Variants in BBC3 observed in about 807,000 individuals in gnomAD.
BBC3 encodes bcl-2-binding component 3.
In BBC3, 5 loss-of-function variants were observed where a neutral mutation model predicts 18.2. That is an observed-to-expected ratio of 0.27 (90% confidence interval 0.14 to 0.58). The LOEUF (loss-of-function observed/expected upper bound fraction) is 0.58, where lower values mean the gene tolerates loss of function less well. Among genes scored for constraint, BBC3 ranks in the 20% least tolerant of loss-of-function variants. BBC3 has a pLI of 0.91. For missense variants in BBC3, 224 were observed against 268.9 expected (o/e 0.83, Z 1.17); for synonymous variants, 119 against 128.0 (o/e 0.93, Z 0.47).
rs879088509 is a variant in BBC3, at chr19:47,222,061, T to C, written c.466-143A>G. 16 of 687,616 alleles carry C rather than the reference T, an allele frequency of 2.3e-5. No individual in the cohort carries two copies. The Admixed American group carries it at 5.5e-4, about 24-fold the overall frequency. 42.6% of individuals were successfully genotyped at this position (687,616 alleles called of 1,614,324 possible). Reference sequence around the variant, plus strand: ...CCCCCCGCCTGGGCTAATGTCCATGTCTCGGAGGTCACATCCTCATCCAGG... The same window carrying C: ...CCCCCCGCCTGGGCTAATGTCCATGCCTCGGAGGTCACATCCTCATCCAGG... On this transcript the variant is annotated intron_variant, in intron 3 of 3. Transcript: ENST00000439096.
In BBC3 at chr19:47,228,135, C is replaced by G. The variant is rs2123387718; in HGVS notation, c.274+23G>C. ...CTCTCTCTTCCCGGCTCCTATCACCCCGGGGGCGGGGCGGGCACTCACCGT... is the reference window on the plus strand; with the variant it reads ...CTCTCTCTTCCCGGCTCCTATCACCGCGGGGGCGGGGCGGGCACTCACCGT... On this transcript the variant is annotated intron_variant, in intron 2 of 3. Transcript: ENST00000439096. This position sits in a 1 kb window ranked among gnomAD's most constrained non-coding sequence, Gnocchi z 5.5. 1 of 1,228,736 alleles carries G rather than the reference C, an allele frequency of 8.1e-7. No individual in the cohort carries two copies. Among genetic ancestry groups the G allele is most frequent in the South Asian group, 4.1e-5 (1 of 24,644 alleles). 76.1% of individuals were successfully genotyped at this position (1,228,736 alleles called of 1,614,324 possible). A position where few individuals can be genotyped will look rare whatever the true frequency, so the allele number is the denominator to read the frequency against.
In BBC3 at chr19:47,222,069, G is replaced by A. The variant is rs560048052; in HGVS notation, c.466-151C>T. The A allele has an allele frequency of 4.3e-5, 28 of 647,964 alleles. No individual in the cohort carries two copies. In the African/African-American group the frequency reaches 4.8e-4, roughly 11 times the overall value. The allele number at this position is 647,964 out of a possible 1,614,324, so 40.1% of individuals were successfully genotyped here. On this transcript the variant is annotated intron_variant, in intron 3 of 3. Transcript: ENST00000439096. Reference sequence around the variant, plus strand: ...CTGGGCTAATGTCCATGTCTCGGAGGTCACATCCTCATCCAGGACATGAGA... The same window carrying A: ...CTGGGCTAATGTCCATGTCTCGGAGATCACATCCTCATCCAGGACATGAGA...
upstream of BBC3, chr19:47,232,827 T>A (rs1436642027): frequency 1.0e-5 from 4 of 398,380 alleles, no homozygotes; most frequent in African/African-American, 4.1e-5. Flanking sequence ...ATGTCAGACT[T>A]CTCAAACTTG....
rs1313063257 is a variant in BBC3 at position 47,228,064 on chromosome 19, T to TC, written c.274+93dup. 9.6e-7 allele frequency: 1 copy of TC among 1,043,354 alleles called. No individual in the cohort carries two copies. Among genetic ancestry groups the TC allele is most frequent in the Non-Finnish European group, 1.2e-6 (1 of 825,008 alleles). The allele number at this position is 1,043,354 out of a possible 1,614,324, so 64.6% of individuals were successfully genotyped here. A position where few individuals can be genotyped will look rare whatever the true frequency, so the allele number is the denominator to read the frequency against. On this transcript the variant is annotated intron_variant, in intron 2 of 3. Coordinates refer to ENST00000439096, the MANE Select transcript of BBC3 (RefSeq NM_014417.5). This position sits in a 1 kb window ranked among gnomAD's most constrained non-coding sequence, Gnocchi z 5.5. ...CAGTGGCCCGGCTGGGCCCGCCACC[T>TC]CCCCCCGTCCTCTCCCACTTCTCCA...
rs2058755458 is a variant in BBC3, at chr19:47,221,837, T to A, written c.547A>T (p.Arg183Trp). 8.1e-6 allele frequency: 13 copies of A among 1,613,584 alleles called. No homozygotes were observed. Among genetic ancestry groups the A allele is most frequent in the Non-Finnish European group, 1.0e-5 (12 of 1,179,806 alleles). ...TCCATCTCGGGGGCTCTGTGGCCCC[T>A]GGGTAAGGGCAGGAGTCCCATGATG... ...NLIMGLLPLP[R>W]GHRAPEMEPN is the part of the protein sequence containing the mutation. Residue 183 changes from arginine to tryptophan, a missense_variant, in exon 4 of 4, where the codon AGG (arginine) becomes TGG (tryptophan). Physicochemically the swap from Arg to Trp is moderately radical, Grantham distance 101. Transcript: ENST00000439096.
chr19:47,226,510 C>A, intron 3 of BBC3, 54 bp downstream of exon 3: 1 of 1,470,998 alleles, frequency 6.8e-7, no homozygotes, highest in Non-Finnish European at 9.0e-7. Context: ...CCGCCTGCCG[C>A]CCCCTCCTCC....
intron 2 of BBC3, among the ~76,000 whole-genome samples, chr19:47,227,581 G>A (rs1055838608): frequency 1.3e-5 from 2 of 152,138 alleles, no homozygotes; most frequent in African/African-American, 4.8e-5. Context: ...CGGCAGGGAT[G>A]GGGCTCCACG....
upstream of BBC3, among the ~76,000 whole-genome samples, chr19:47,232,328 G>T (rs1191685027): frequency 2.6e-5 from 4 of 152,216 alleles, no homozygotes; most frequent in Non-Finnish European, 5.9e-5. Context: ...TCTAGCCTGG[G>T]CAACAAGAGC....
chr19:47,222,034 CT>C (rs1478576726), intron 3 of BBC3, 116 bp from the exon 4 acceptor site: 2 of 901,902 alleles, frequency 2.2e-6, no homozygotes, highest in Non-Finnish European at 1.6e-6. Flanking sequence ...ATTCCAGCTC[CT>C]CCCCCCGCCT....
In BBC3 at chr19:47,228,021, A is replaced by T; in HGVS notation, c.274+137T>A. On this transcript the variant is annotated intron_variant, in intron 2 of 3. Transcript: ENST00000439096. This position sits in a 1 kb window ranked among gnomAD's most constrained non-coding sequence, Gnocchi z 5.5. ...TCCTGCTTCTTGCAACACAAAGACCACATTGGCCACACCCTCCCAGTGGCC... is the reference window on the plus strand; with the variant it reads ...TCCTGCTTCTTGCAACACAAAGACCTCATTGGCCACACCCTCCCAGTGGCC... 6.1e-6 allele frequency: 4 copies of T among 651,918 alleles called. No individual in the cohort carries two copies. Among genetic ancestry groups the T allele is most frequent in the Non-Finnish European group, 8.5e-6 (4 of 467,890 alleles). The allele number at this position is 651,918 out of a possible 1,614,324, so 40.4% of individuals were successfully genotyped here.
In BBC3 at chr19:47,221,434, C is replaced by CG. The variant is rs1368879676; in HGVS notation, c.*367_*368insC. The CG allele has an allele frequency of 1.0e-4, 25 of 238,208 alleles. 2 individuals carry two copies. The highest frequency in any genetic ancestry group is 3.1e-4 in the South Asian group (3 of 9,642). The allele number at this position is 238,208 out of a possible 1,614,324, so 14.8% of individuals were successfully genotyped here. A position where few individuals can be genotyped will look rare whatever the true frequency, so the allele number is the denominator to read the frequency against. ...GGAGCACCGAGAGGAGAGCCCCCCC[C>CG]TCCCAGTGTCACCCCTGCAGCTGGA... On this transcript the variant is annotated 3_prime_UTR_variant, in exon 4 of 4. Transcript: ENST00000439096.
upstream of BBC3, chr19:47,231,256 G>GC: frequency 1.5e-6 from 1 of 648,616 alleles, no homozygotes; most frequent in Non-Finnish European, 1.9e-6. This position sits in a 1 kb window ranked among gnomAD's most constrained non-coding sequence, Gnocchi z 4.0. Context: ...GCCCCGCCCC[G>GC]CCCCCGCCCG....
chr19:47,226,931 G>T (rs1325789361), intron 2 of BBC3, 177 bp from the exon 3 acceptor site: 2 of 548,986 alleles, frequency 3.6e-6, no homozygotes, highest in Non-Finnish European at 6.0e-6. Context: ...GAAGTACCTG[G>T]GGACGCCGCT....
chr19:47,227,824 C>G (rs189268568), intron 2 of BBC3, among the ~76,000 whole-genome samples: 268 of 152,306 alleles, frequency 1.8e-3, no homozygotes, highest in African/African-American at 6.2e-3. Context: ...CCCACTCTCC[C>G]TGCAACAGGA....
chr19:47,232,500 C>T (rs1207503787), upstream of BBC3: 56 of 1,545,522 alleles, frequency 3.6e-5, no homozygotes, highest in Non-Finnish European at 4.5e-5. Flanking sequence ...AGCATGCACA[C>T]CTGGCCACAC....
In BBC3 at chr19:47,230,903, A is replaced by C; in HGVS notation, c.-16+26T>G. ...ACCCGGCCTGGCCGATCGCCGCCGG[A>C]GAGGATTCGGGGCGCGCACACTCAC... On this transcript the variant is annotated intron_variant, in intron 1 of 3. Coordinates refer to ENST00000439096, the MANE Select transcript of BBC3 (RefSeq NM_014417.5). This position sits in a 1 kb window ranked among gnomAD's most constrained non-coding sequence, Gnocchi z 6.7. 1 of 982,102 alleles carries C rather than the reference A, an allele frequency of 1.0e-6. No homozygotes were observed. The highest frequency in any genetic ancestry group is 4.7e-5 in the South Asian group (1 of 21,206). 60.8% of individuals were successfully genotyped at this position (982,102 alleles called of 1,614,324 possible).
In BBC3 at chr19:47,221,426, G is replaced by GCA; in HGVS notation, c.*375_*376insTG. The GCA allele has an allele frequency of 6.0e-6, 1 of 167,318 alleles. No individual in the cohort carries two copies. Among genetic ancestry groups the GCA allele is most frequent in the South Asian group, 1.5e-4 (1 of 6,714 alleles). The allele number at this position is 167,318 out of a possible 1,614,324, so 10.4% of individuals were successfully genotyped here. On this transcript the variant is annotated 3_prime_UTR_variant, in exon 4 of 4. Coordinates refer to ENST00000439096, the MANE Select transcript of BBC3 (RefSeq NM_014417.5). ...AGAGTGAAGGAGCACCGAGAGGAGA[G>GCA]CCCCCCCCTCCCAGTGTCACCCCTG...
intron 3 of BBC3, among the ~76,000 whole-genome samples, chr19:47,224,793 T>C (rs2058792302): frequency 6.7e-6 from 1 of 149,660 alleles, no homozygotes; most frequent in Admixed American, 6.7e-5. Context: ...TGCAGTGGCA[T>C]GATCTCCTGA....
At chr19:47,232,782 C>G, upstream of BBC3, 1 of 506,244 alleles carries the variant, frequency 2.0e-6, no homozygotes, top group Non-Finnish European at 3.5e-6. Flanking sequence ...AGTGACTCAC[C>G]TTCCAGTGCC....
Sources: gnomAD v4.1 joint callset for allele counts (sites outside exome capture counted in the v4.1 genomes callset) on GRCh38, gnomAD v4.1.1 for gene constraint, Gnocchi (gnomAD v3.1) non-coding constraint, MANE v1.5 for transcripts, NCBI Gene and HGNC (gene_info 2026-07-23, HGNC 2026-07-21) for gene names.